UBASH3B: variants seen among roughly 807,000 people sequenced by gnomAD.
The protein encoded by UBASH3B is ubiquitin-associated and SH3 domain-containing protein B.
Under a neutral mutation model 83.4 loss-of-function variants are expected in UBASH3B, and 37 were observed. That is an observed-to-expected ratio of 0.44 (90% CI 0.34 to 0.58). UBASH3B has a LOEUF of 0.58. UBASH3B is among the 20% of genes least tolerant of loss of function. The pLI, the probability that UBASH3B is intolerant of heterozygous loss-of-function variation, is 0.01. For missense variants in UBASH3B, 657 were observed against 827.2 expected, an observed-to-expected ratio of 0.79 and a Z score of 2.52; for synonymous variants, 304 against 318.3, an observed-to-expected ratio of 0.96 and a Z score of 0.48.
At chr11:122,692,031 C>T (rs145567529) in intron 1 of UBASH3B, among the ~76,000 whole-genome samples, 11 of 152,250 alleles carry the variant, frequency 7.2e-5, no homozygotes, top group African/African-American at 2.6e-4. Context: ...TTTCAGGCCT[C>T]GTTCCATGTG....
chr11:122,658,037 G>C (rs1863386740), intron 1 of UBASH3B, among the ~76,000 whole-genome samples: 1 of 152,050 alleles, frequency 6.6e-6, no homozygotes, highest in Admixed American at 6.6e-5. Flanking sequence ...TTAGCTGGGT[G>C]GGGTGGTGCA....
chr11:122,798,859 C>A, intron 9 of UBASH3B, 83 bp from the exon 10 acceptor site: 1 of 1,070,746 alleles, frequency 9.3e-7, no homozygotes, highest in Non-Finnish European at 1.4e-6. Flanking sequence ...CAGGAGCTTA[C>A]TGCTTGGCCC....
At chr11:122,792,521 G>A (rs754431053) in intron 6 of UBASH3B, among the ~76,000 whole-genome samples, 10 of 151,976 alleles carry the variant, frequency 6.6e-5, no homozygotes, top group Non-Finnish European at 8.8e-5. Context: ...GTTTCACCAC[G>A]TTGGCCAGGC....
chr11:122,686,096 G>T (rs1045576903), intron 1 of UBASH3B, among the ~76,000 whole-genome samples: 1 of 152,170 alleles, frequency 6.6e-6, no homozygotes, highest in Admixed American at 6.5e-5. Flanking sequence ...AGACTAAAAA[G>T]AGCAGGTTTC....
chr11:122,807,581 G>C (rs1364495103), intron 12 of UBASH3B, among the ~76,000 whole-genome samples: 3 of 152,018 alleles, frequency 2.0e-5, no homozygotes, highest in African/African-American at 7.2e-5. Context: ...ACAGGGTCTT[G>C]CTCCTGACAC....
intron 1 of UBASH3B, among the ~76,000 whole-genome samples, chr11:122,689,481 G>A (rs960595031): frequency 6.6e-6 from 1 of 152,166 alleles, no homozygotes; most frequent in African/African-American, 2.4e-5. Flanking sequence ...GTAAAATGGA[G>A]GTTGTTTCCA....
At chr11:122,705,454 T>TAAAAAA (rs60998227) in intron 1 of UBASH3B, among the ~76,000 whole-genome samples, 1 of 59,552 alleles carries the variant, frequency 1.7e-5, no homozygotes, top group Non-Finnish European at 3.5e-5. Context: ...TCGAAAAACA[T>TAAAAAA]AAAAAAAAAA....
chr11:122,787,438 A>G (rs1038838321), intron 5 of UBASH3B, among the ~76,000 whole-genome samples: 1 of 152,208 alleles, frequency 6.6e-6, no homozygotes, highest in Non-Finnish European at 1.5e-5. Flanking sequence ...CATAAAAGGA[A>G]AATCGGAAAT....
At chr11:122,750,924 C>G (rs1861189010) in intron 1 of UBASH3B, among the ~76,000 whole-genome samples, 1 of 152,176 alleles carries the variant, frequency 6.6e-6, no homozygotes, top group Admixed American at 6.5e-5. Context: ...CAGAAGGATA[C>G]AGAAACTCAT....
At chr11:122,766,923 C>G (rs1860551991) in intron 1 of UBASH3B, among the ~76,000 whole-genome samples, 1 of 152,212 alleles carries the variant, frequency 6.6e-6, no homozygotes, top group Non-Finnish European at 1.5e-5. Context: ...CCCGAGTAGT[C>G]CTGCTGACAG....
chr11:122,699,445 C>T (rs1008882832), intron 1 of UBASH3B, among the ~76,000 whole-genome samples: 1 of 152,108 alleles, frequency 6.6e-6, no homozygotes, highest in African/African-American at 2.4e-5. Flanking sequence ...TAATATTATC[C>T]ACCTTCCAAA....
intron 1 of UBASH3B, among the ~76,000 whole-genome samples, chr11:122,677,723 C>T (rs1226099020): frequency 6.6e-6 from 1 of 151,980 alleles, no homozygotes; most frequent in African/African-American, 2.4e-5. Flanking sequence ...TGCACTCCAG[C>T]ATGGGCAAGA....
At position 122,813,432 on chromosome 11, in the gene UBASH3B, C is replaced by A. The variant is rs1434806869; in HGVS notation, c.*3546C>A. The stretch of plus-strand genomic sequence containing the variant: ...ACTCTGCAAGTCCAGTGTTTAATTT[C>A]AAAGCAGTGATGAATTGCTCTTTTG... On this transcript the variant is annotated 3_prime_UTR_variant, in exon 14 of 14. Transcript: ENST00000284273. 4 of 152,192 alleles carry A rather than the reference C, an allele frequency of 2.6e-5. No individual in the cohort carries two copies. Among genetic ancestry groups the A allele is most frequent in the African/African-American group, 4.8e-5 (2 of 41,444 alleles). The allele number at this position is 152,192 out of a possible 1,614,324, so 9.4% of individuals were successfully genotyped here.
rs567842337 is a variant in UBASH3B, at chr11:122,659,909, C to T, written c.161+3699C>T. 3.3e-5 allele frequency among the ~76,000 whole-genome samples: 5 copies of T among 152,278 alleles called. No homozygotes were observed. The South Asian group carries it at 1.0e-3, about 32-fold the overall frequency. ...CAAGAAGGGGCACTCAGGCCAGGCT[C>T]TTGGTGGGCTGGCAGAGAGGGTTGA... On this transcript the variant is annotated intron_variant, in intron 1 of 13. Coordinates refer to ENST00000284273, the MANE Select transcript of UBASH3B (RefSeq NM_032873.5).
rs142921374 is a variant in UBASH3B, at chr11:122,752,869, A to C, written c.162-23350A>C. Among the ~76,000 whole-genome samples, 248 of 152,232 alleles carry C rather than the reference A, an allele frequency of 1.6e-3. 1 individual carries two copies. The highest frequency in any genetic ancestry group is 5.9e-3 in the African/African-American group (244 of 41,530). On this transcript the variant is annotated intron_variant, in intron 1 of 13. Coordinates refer to ENST00000284273, the MANE Select transcript of UBASH3B (RefSeq NM_032873.5). ...CGTTATATTTTCATGTGATTCATAC[A>C]AACAACCAACCTTTGAGGATAGTAT...
intron 5 of UBASH3B, among the ~76,000 whole-genome samples, chr11:122,786,168 G>A (rs1860947781): frequency 6.6e-6 from 1 of 152,050 alleles, no homozygotes; most frequent in African/African-American, 2.4e-5. Flanking sequence ...TCCTGCCTCA[G>A]CCTCCCAAGT....
chr11:122,733,486 G>A (rs536481180), intron 1 of UBASH3B, among the ~76,000 whole-genome samples: 13 of 152,168 alleles, frequency 8.5e-5, no homozygotes, highest in Admixed American at 2.0e-4. Flanking sequence ...CAAGTGCCTC[G>A]CGCCAAAGCA....
intron 1 of UBASH3B, among the ~76,000 whole-genome samples, chr11:122,769,954 T>A (rs971413260): frequency 6.6e-6 from 1 of 152,242 alleles, no homozygotes; most frequent in Non-Finnish European, 1.5e-5. Flanking sequence ...GAACATTTTT[T>A]AAAATATTGT....
chr11:122,777,224 C>T lies in UBASH3B; in HGVS notation c.402+14C>T, dbSNP rs1178023555. ...CAGTTCTTTATGGTGAGCGGCAGCGCCCCCACCCCTGGGAAGCCTGGCTCC... is the reference window on the plus strand; with the variant it reads ...CAGTTCTTTATGGTGAGCGGCAGCGTCCCCACCCCTGGGAAGCCTGGCTCC... On this transcript the variant is annotated intron_variant, in intron 3 of 13. Transcript: ENST00000284273. 5.6e-6 allele frequency: 9 copies of T among 1,600,840 alleles called. No homozygotes were observed. Among genetic ancestry groups the T allele is most frequent in the Non-Finnish European group, 7.7e-6 (9 of 1,172,464 alleles).
Sources: gnomAD v4.1 joint callset for allele counts (sites outside exome capture counted in the v4.1 genomes callset) on GRCh38, gnomAD v4.1.1 for gene constraint, MANE v1.5 for transcripts, NCBI Gene and HGNC (gene_info 2026-07-23, HGNC 2026-07-21) for gene names.